TENM3: variants seen among roughly 807,000 people sequenced by gnomAD.
TENM3 encodes the protein teneurin transmembrane protein 3.
In TENM3, 63 loss-of-function variants were observed where a neutral mutation model predicts 255.1. The observed-to-expected ratio is 0.25, with a 90% CI of 0.20 to 0.30. TENM3 has a LOEUF of 0.30. TENM3 is among the 10% of genes least tolerant of loss of function. The pLI is 1.00. For missense variants in TENM3, 2,929 were observed against 3,461.1 expected (o/e 0.85, Z 3.86); for synonymous variants, 1,306 against 1,322.3 (o/e 0.99, Z 0.27).
the TENM3 span, among the ~76,000 whole-genome samples, chr4:182,082,860 G>A: frequency 6.6e-6 from 1 of 152,138 alleles, no homozygotes; most frequent in African/African-American, 2.4e-5. Context: ...CCTTTATTAA[G>A]GGGTATTTTA....
chr4:181,505,125 G>A, the TENM3 span, among the ~76,000 whole-genome samples: 1 of 152,152 alleles, frequency 6.6e-6, no homozygotes, highest in Admixed American at 6.5e-5. Context: ...TGCTCTGCTC[G>A]ATATCAGGTG....
intron 3 of TENM3, among the ~76,000 whole-genome samples, chr4:182,462,321 A>C (rs1310780594): frequency 6.6e-6 from 1 of 151,882 alleles, no homozygotes; most frequent in Non-Finnish European, 1.5e-5. Context: ...AACCTCCCAA[A>C]GTGCTGGGAT....
At chr4:182,696,598 G>A (rs181477890) in intron 12 of TENM3, among the ~76,000 whole-genome samples, 6 of 152,136 alleles carry the variant, frequency 3.9e-5, no homozygotes, top group South Asian at 2.1e-4. Flanking sequence ...GGTGGTGCAC[G>A]CCTGTAATCC....
At chr4:181,677,808 T>A in the TENM3 span, among the ~76,000 whole-genome samples, 1 of 152,084 alleles carries the variant, frequency 6.6e-6, no homozygotes, top group African/African-American at 2.4e-5. Flanking sequence ...CACCTTCCTC[T>A]TCTCCTGAGG....
the TENM3 span, among the ~76,000 whole-genome samples, chr4:181,802,599 T>C: frequency 6.6e-6 from 1 of 152,256 alleles, no homozygotes; most frequent in African/African-American, 2.4e-5. Context: ...ACCTTTGATA[T>C]AGTTTTGAGA....
At chr4:182,305,933 C>A (rs552352784) in intron 1 of TENM3, among the ~76,000 whole-genome samples, 1 of 152,126 alleles carries the variant, frequency 6.6e-6, no homozygotes. Flanking sequence ...CACCCTGAAT[C>A]CTGCAGATCT....
At chr4:182,652,787 A>G (rs1350375182) in intron 5 of TENM3, among the ~76,000 whole-genome samples, 1 of 151,816 alleles carries the variant, frequency 6.6e-6, no homozygotes, top group Non-Finnish European at 1.5e-5. Context: ...GTCTAAAAAT[A>G]TCAAAAAAAA....
intron 1 of TENM3, among the ~76,000 whole-genome samples, chr4:182,273,917 G>A (rs1043656139): frequency 3.9e-5 from 6 of 152,212 alleles, no homozygotes; most frequent in East Asian, 1.9e-4. Flanking sequence ...GTTATCTTTC[G>A]AGGAAGGATG....
intron 3 of TENM3, among the ~76,000 whole-genome samples, chr4:182,481,880 T>C (rs978745057): frequency 6.6e-6 from 1 of 152,242 alleles, no homozygotes; most frequent in African/African-American, 2.4e-5. Context: ...TTTTGCTTTA[T>C]ATCAAAATTT....
intron 4 of TENM3, among the ~76,000 whole-genome samples, chr4:182,604,185 A>C (rs1003629731): frequency 4.1e-4 from 63 of 152,186 alleles, no homozygotes; most frequent in Non-Finnish European, 8.5e-4. Flanking sequence ...GGAGACAATC[A>C]ATGTGACTGT....
chr4:182,658,976 C>G (rs981678948), intron 6 of TENM3, among the ~76,000 whole-genome samples: 2 of 152,184 alleles, frequency 1.3e-5, no homozygotes, highest in African/African-American at 4.8e-5. Context: ...CAGAAACTAC[C>G]AGCTTTGTAT....
the TENM3 span, among the ~76,000 whole-genome samples, chr4:181,776,416 T>G: frequency 3.9e-5 from 6 of 152,156 alleles, no homozygotes; most frequent in Non-Finnish European, 5.9e-5. Context: ...CTGATTTCCT[T>G]TGCTTTAGAT....
intron 3 of TENM3, among the ~76,000 whole-genome samples, chr4:182,538,601 A>G (rs1740564397): frequency 7.1e-6 from 1 of 140,518 alleles, no homozygotes; most frequent in Non-Finnish European, 1.6e-5. Flanking sequence ...AGAAAGCAGT[A>G]AACAGTGCTG....
the TENM3 span, among the ~76,000 whole-genome samples, chr4:181,610,905 GT>G: frequency 1.3e-5 from 2 of 152,154 alleles, no homozygotes; most frequent in African/African-American, 4.8e-5. Flanking sequence ...CTAACAGATT[GT>G]TTAGTTTTTC....
intron 1 of TENM3, among the ~76,000 whole-genome samples, chr4:182,211,360 A>C: frequency 6.6e-6 from 1 of 152,184 alleles, no homozygotes; most frequent in Admixed American, 6.5e-5. Context: ...GATTCAGATG[A>C]GTTTCTATGA....
chr4:181,821,619 T>A, the TENM3 span: 1 of 152,344 alleles, frequency 6.6e-6, no homozygotes, highest in Admixed American at 6.5e-5. Flanking sequence ...ATACAGCTGC[T>A]GTACAGAGAG....
chr4:182,499,208 T>C (rs1736089782), intron 3 of TENM3, among the ~76,000 whole-genome samples: 1 of 152,206 alleles, frequency 6.6e-6, no homozygotes, highest in African/African-American at 2.4e-5. Flanking sequence ...TCCAGGGTGA[T>C]CTGAACAATG....
the TENM3 span, among the ~76,000 whole-genome samples, chr4:181,479,020 C>T: frequency 6.6e-6 from 1 of 152,200 alleles, no homozygotes; most frequent in African/African-American, 2.4e-5. Context: ...AGAAATGACA[C>T]ATCACAAACA....
the TENM3 span, among the ~76,000 whole-genome samples, chr4:181,823,079 G>T: frequency 8.1e-3 from 1,241 of 152,298 alleles, 21 homozygotes; most frequent in African/African-American, 0.029. Flanking sequence ...TTTCTTGCAG[G>T]TGATATTCAG....
Sources: gnomAD v4.1 joint callset for allele counts (sites outside exome capture counted in the v4.1 genomes callset) on GRCh38, gnomAD v4.1.1 for gene constraint, MANE v1.5 for transcripts, NCBI Gene and HGNC (gene_info 2026-07-23, HGNC 2026-07-21) for gene names.